Variants in HTR1E observed in about 807,000 individuals in gnomAD.
HTR1E encodes 5-hydroxytryptamine receptor 1E.
Under a neutral mutation model 3.4 loss-of-function variants are expected in HTR1E, and 3 were observed. The ratio of observed to expected loss-of-function variants is 0.89; its 90% CI spans 0.41 to 2.31. The LOEUF is 2.31. Among genes scored for constraint, HTR1E ranks in the 30% most tolerant of loss-of-function variants. HTR1E has a pLI of 0.05. For missense variants in HTR1E, 392 were observed against 467.0 expected (o/e 0.84, Z 1.48); for synonymous variants, 170 against 182.8 (o/e 0.93, Z 0.56).
In HTR1E at chr6:86,965,189, G is replaced by A. The variant is rs186867470; in HGVS notation, c.-186+27366G>A. Among the ~76,000 whole-genome samples, 65 of 152,272 alleles carry A rather than the reference G, an allele frequency of 4.3e-4. 1 individual carries two copies. In the East Asian group the frequency reaches 0.011, roughly 27 times the overall value. ...TGAGGGGCTCCTCCGTCCATCCTGG[G>A]CATGCTCACTGCTCCTCTGACAGAG... On this transcript the variant is annotated intron_variant, in intron 1 of 1. Transcript: ENST00000305344.
At chr6:86,953,053 C>T (rs1201521088) in intron 1 of HTR1E, among the ~76,000 whole-genome samples, 1 of 152,170 alleles carries the variant, frequency 6.6e-6, no homozygotes, top group Non-Finnish European at 1.5e-5. Context: ...TGCATGCTGC[C>T]TTGACTGACT....
chr6:86,956,781 C>A (rs768774843), intron 1 of HTR1E, among the ~76,000 whole-genome samples: 2 of 152,180 alleles, frequency 1.3e-5, no homozygotes, highest in African/African-American at 2.4e-5. Context: ...TGGGCTACTA[C>A]TTGCTTGCCA....
intron 1 of HTR1E, among the ~76,000 whole-genome samples, chr6:86,979,846 C>T (rs1767686486): frequency 6.6e-6 from 1 of 152,076 alleles, no homozygotes; most frequent in African/African-American, 2.4e-5. Context: ...GCTTCTATGC[C>T]GAAGCTAGCC....
rs1013397197 is a variant in HTR1E, at chr6:87,016,561, C to CTTGT, written c.*144_*147dup. On this transcript the variant is annotated 3_prime_UTR_variant, in exon 2 of 2. Coordinates refer to ENST00000305344, the MANE Select transcript of HTR1E (RefSeq NM_000865.3). The stretch of plus-strand genomic sequence containing the variant: ...TTGTAAGTATGTGTGGTCTTGTTTC[C>CTTGT]TTGTTTGTTTGTTTGTTTTGTTCTG... The CTTGT allele has an allele frequency of 3.7e-5, 28 of 750,868 alleles. No individual in the cohort carries two copies. The highest frequency in any genetic ancestry group is 1.1e-4 in the African/African-American group (6 of 56,590). 46.5% of individuals were successfully genotyped at this position (750,868 alleles called of 1,614,324 possible). A position where few individuals can be genotyped will look rare whatever the true frequency, so the allele number is the denominator to read the frequency against.
chr6:87,004,440 A>G (rs1768073692), intron 1 of HTR1E, among the ~76,000 whole-genome samples: 1 of 152,200 alleles, frequency 6.6e-6, no homozygotes, highest in Non-Finnish European at 1.5e-5. Flanking sequence ...ATGGCTCAAC[A>G]TTATGCAAAT....
At position 87,002,771 on chromosome 6, in the gene HTR1E, C is replaced by T. The variant is rs117245725; in HGVS notation, c.-185-12379C>T. Among the ~76,000 whole-genome samples the T allele has an allele frequency of 1.6e-3, 239 of 152,322 alleles. 3 individuals are homozygous for T. In the East Asian group the frequency reaches 0.043, roughly 27 times the overall value. On this transcript the variant is annotated intron_variant, in intron 1 of 1. Transcript: ENST00000305344. ...GGCAGAAAAGTTCTCCAAGTACCCA[C>T]CTGACCCAGAAGCCCAGCTGGCTTC...
intron 1 of HTR1E, among the ~76,000 whole-genome samples, chr6:87,013,905 C>T (rs1406311561): frequency 1.3e-5 from 2 of 152,130 alleles, no homozygotes; most frequent in East Asian, 3.8e-4. Context: ...CTCATCATCA[C>T]TGTCATTAGA....
intron 1 of HTR1E, among the ~76,000 whole-genome samples, chr6:87,006,216 A>G (rs1158946963): frequency 3.3e-5 from 5 of 152,196 alleles, no homozygotes; most frequent in Non-Finnish European, 7.3e-5. Flanking sequence ...TGATTCAGCA[A>G]TCCCTCTGCT....
chr6:87,011,066 G>T (rs1430574413), intron 1 of HTR1E, among the ~76,000 whole-genome samples: 7 of 152,150 alleles, frequency 4.6e-5, no homozygotes, highest in Non-Finnish European at 1.0e-4. Flanking sequence ...TTAATACATT[G>T]ACTTTAGACA....
At chr6:86,975,945 ACACT>A (rs1767632317) in intron 1 of HTR1E, among the ~76,000 whole-genome samples, 1 of 141,570 alleles carries the variant, frequency 7.1e-6, no homozygotes, top group Admixed American at 7.1e-5. Context: ...ACACACACAC[ACACT>A]CTCTCTCTCT....
chr6:87,000,722 ACCAGACC>A (rs1768009602), intron 1 of HTR1E, among the ~76,000 whole-genome samples: 4 of 152,212 alleles, frequency 2.6e-5, no homozygotes, highest in Admixed American at 6.5e-5. Context: ...TTTCATCAAC[ACCAGACC>A]TGTCCTGCAA....
chr6:86,974,333 C>T (rs1293969219), intron 1 of HTR1E, among the ~76,000 whole-genome samples: 1 of 152,166 alleles, frequency 6.6e-6, no homozygotes, highest in African/African-American at 2.4e-5. Flanking sequence ...CCATCTGTTC[C>T]TCAGTCCAGT....
chr6:86,970,426 G>A (rs1039700097), intron 1 of HTR1E: 1 of 152,428 alleles, frequency 6.6e-6, no homozygotes. Context: ...TTAAAATGGT[G>A]ATGATACCCT....
chr6:86,969,008 G>T (rs188187068), intron 1 of HTR1E, among the ~76,000 whole-genome samples: 2 of 152,114 alleles, frequency 1.3e-5, no homozygotes, highest in Non-Finnish European at 2.9e-5. Flanking sequence ...ACTATTAAGT[G>T]GTCCCAACTC....
chr6:86,956,696 T>C (rs1371423068), intron 1 of HTR1E, among the ~76,000 whole-genome samples: 1 of 152,178 alleles, frequency 6.6e-6, no homozygotes. Flanking sequence ...GCCCTTATTC[T>C]TGACAAAATA....
intron 1 of HTR1E, among the ~76,000 whole-genome samples, chr6:86,957,959 T>C (rs1016447009): frequency 4.6e-5 from 7 of 152,138 alleles, no homozygotes; most frequent in African/African-American, 1.7e-4. Flanking sequence ...AATAGTAAAA[T>C]TTTTTAAACT....
chr6:87,014,262 T>A (rs1768282752), intron 1 of HTR1E, among the ~76,000 whole-genome samples: 1 of 116,562 alleles, frequency 8.6e-6, no homozygotes, highest in African/African-American at 3.8e-5. Flanking sequence ...AGTATAATAA[T>A]AATAATAATA....
At chr6:86,974,862 C>T (rs540028529) in intron 1 of HTR1E, among the ~76,000 whole-genome samples, 41 of 152,294 alleles carry the variant, frequency 2.7e-4, no homozygotes, top group African/African-American at 9.6e-4. Flanking sequence ...GCAGAAACCC[C>T]TTCAAAGTGG....
In HTR1E at chr6:87,016,648, TA is replaced by T; in HGVS notation, c.*218del. ...TACCTCTGGTCTTATCTGTGATACA[TA>T]ATTTCAAATAAACATTATCATACAA... On this transcript the variant is annotated 3_prime_UTR_variant, in exon 2 of 2. Coordinates refer to ENST00000305344, the MANE Select transcript of HTR1E (RefSeq NM_000865.3). 2.5e-6 allele frequency: 1 copy of T among 403,062 alleles called. No homozygotes were observed. The highest frequency in any genetic ancestry group is 4.5e-6 in the Non-Finnish European group (1 of 220,228). 25.0% of individuals were successfully genotyped at this position (403,062 alleles called of 1,614,324 possible).
Sources: allele counts gnomAD v4.1 joint callset (sites outside exome capture counted in the v4.1 genomes callset), GRCh38; gene constraint gnomAD v4.1.1; transcripts MANE v1.5; gene names NCBI Gene and HGNC (gene_info 2026-07-23, HGNC 2026-07-21).